Variants in CACNB1 observed in about 807,000 individuals in gnomAD.
CACNB1 encodes calcium voltage-gated channel auxiliary subunit beta 1.
Under a neutral mutation model 71.6 loss-of-function variants are expected in CACNB1, and 29 were observed. That is an observed-to-expected ratio of 0.40 (90% CI 0.30 to 0.55). The LOEUF (loss-of-function observed/expected upper bound fraction) is 0.55, where lower values mean the gene tolerates loss of function less well. Ranked by LOEUF, CACNB1 falls within the 20% of genes least tolerant of loss-of-function variation. The pLI is 0.38. For missense variants in CACNB1, 623 were observed against 801.8 expected (o/e 0.78, Z 2.69); for synonymous variants, 300 against 319.6 (o/e 0.94, Z 0.65).
chr17:39,185,562 C>A (rs1318024457), intron 6 of CACNB1, among the ~76,000 whole-genome samples: 2 of 152,032 alleles, frequency 1.3e-5, no homozygotes, highest in African/African-American at 4.8e-5. Context: ...AGCAGCCCCC[C>A]CCCACTATGT....
intron 10 of CACNB1, 78 bp downstream of exon 10, chr17:39,183,953 C>A: frequency 6.5e-7 from 1 of 1,535,372 alleles, no homozygotes; most frequent in South Asian, 1.1e-5. Flanking sequence ...GATGGCCCTG[C>A]CCACTACCTC....
intron 4 of CACNB1, chr17:39,187,162 C>G: frequency 1.7e-6 from 1 of 603,946 alleles, no homozygotes; most frequent in South Asian, 2.0e-5. Context: ...CAATGCAATT[C>G]TGAGAGTCCT....
Position 39,175,696 on chromosome 17 carries a change from G to A in CACNB1, c.1333-39C>T, listed in dbSNP as rs375535709. On this transcript the variant is annotated intron_variant, in intron 13 of 13. Coordinates refer to ENST00000394303, the MANE Select transcript of CACNB1 (RefSeq NM_000723.5). The surrounding 1 kb of genome is among the most constrained non-coding windows in gnomAD (Gnocchi z 4.7). ...GGACAGCACACACCATGCAGATCAG[G>A]CAGGGGTGAGAAAAACACAACAAAG... 5.0e-5 allele frequency: 72 copies of A among 1,446,430 alleles called. No homozygotes were observed. Among genetic ancestry groups the A allele is most frequent in the Non-Finnish European group, 6.3e-5 (67 of 1,068,874 alleles). 89.6% of individuals were successfully genotyped at this position (1,446,430 alleles called of 1,614,324 possible). A position where few individuals can be genotyped will look rare whatever the true frequency, so the allele number is the denominator to read the frequency against.
intron 8 of CACNB1, 21 bp from the exon 9 acceptor site, chr17:39,184,404 G>A (rs1482453336): frequency 2.5e-6 from 3 of 1,214,718 alleles, no homozygotes; most frequent in Non-Finnish European, 3.6e-6. Flanking sequence ...GGGTTTGTGG[G>A]GAGGGAGGGA....
chr17:39,188,765 G>A (rs923401115), intron 3 of CACNB1, among the ~76,000 whole-genome samples: 4 of 152,084 alleles, frequency 2.6e-5, no homozygotes, highest in Non-Finnish European at 5.9e-5. Context: ...ATAGCAGGCC[G>A]GGCACGGTGG....
rs151225511 is a variant in CACNB1, at chr17:39,176,992, G to A, written c.1332+358C>T. 248 of 600,142 alleles carry A rather than the reference G, an allele frequency of 4.1e-4. No individual in the cohort carries two copies. In the African/African-American group the frequency reaches 4.2e-3, roughly 10 times the overall value. The allele number at this position is 600,142 out of a possible 1,614,324, so 37.2% of individuals were successfully genotyped here. On this transcript the variant is annotated intron_variant, in intron 13 of 13. Coordinates refer to ENST00000394303, the MANE Select transcript of CACNB1 (RefSeq NM_000723.5). ...GCGAATCAGTTTATCAGTCTTCCTC[G>A]CATGTCCTTCCTAGTCCCTTGTCTT...
intron 13 of CACNB1, chr17:39,177,146 C>A: frequency 7.0e-7 from 1 of 1,429,976 alleles, no homozygotes; most frequent in African/African-American, 1.4e-5. Flanking sequence ...TGCCGCTCAT[C>A]TTATTTTTTT....
At position 39,197,427 on chromosome 17, in the gene CACNB1, G is replaced by A. The variant is rs1454460802; in HGVS notation, c.69C>T (p.Phe23=). The change falls in exon 1 of 14, where the codon TTC becomes TTT. Residue 23 remains phenylalanine (F), a synonymous_variant. Transcript: ENST00000394303. ...CACGCCTCACCTGCGGGCTGGGGTC[G>A]AAGACCTCCATGGGGATCTCCTGGG... The part of the protein sequence containing the change: ...PPSQEIPMEV[F]DPSPQGKYSK... The A allele has an allele frequency of 6.8e-7, 1 of 1,468,548 alleles. No individual in the cohort carries two copies. Among genetic ancestry groups the A allele is most frequent in the South Asian group, 1.4e-5 (1 of 73,724 alleles). 91.0% of individuals were successfully genotyped at this position (1,468,548 alleles called of 1,614,324 possible).
At position 39,175,274 on chromosome 17, in the gene CACNB1, G is replaced by A; in HGVS notation, c.1716C>T (p.Tyr572=). ...AAACTGGACCCCCACCCTCAGCGCA[G>A]TAGCGGGCCTTATTCCGGCCCCGGT... ...NRNRGRNKAR[Y]CAEGGGPVLG... The change falls in exon 14 of 14, where the codon TAC becomes TAT. Residue 572 remains tyrosine (Y), a synonymous_variant. Transcript: ENST00000394303. This position sits in a 1 kb window ranked among gnomAD's most constrained non-coding sequence, Gnocchi z 4.7. The A allele has an allele frequency of 6.2e-7, 1 of 1,614,194 alleles. No individual in the cohort carries two copies.
chr17:39,176,624 T>A (rs193021826), intron 13 of CACNB1, among the ~76,000 whole-genome samples: 2 of 152,308 alleles, frequency 1.3e-5, no homozygotes, highest in Non-Finnish European at 1.5e-5. Flanking sequence ...ATGGGCTCTG[T>A]TGCTGAAAAC....
At chr17:39,184,623 A>G (rs911297630) in intron 8 of CACNB1, among the ~76,000 whole-genome samples, 161 bp downstream of exon 8, 3 of 151,548 alleles carry the variant, frequency 2.0e-5, no homozygotes, top group African/African-American at 4.9e-5. Context: ...GGCTCCTCTG[A>G]GTGGGTCTTT....
At chr17:39,196,564 A>G (rs1459929368) in intron 1 of CACNB1, among the ~76,000 whole-genome samples, 4 of 151,926 alleles carry the variant, frequency 2.6e-5, no homozygotes, top group Non-Finnish European at 4.4e-5. Context: ...GGAGAAGGAC[A>G]CTCCCAAAGA....
chr17:39,184,091 C>T lies in CACNB1; in HGVS notation c.838G>A (p.Val280Ile), dbSNP rs377703005. 1 of 1,613,666 alleles carries T rather than the reference C, an allele frequency of 6.2e-7. No individual in the cohort carries two copies. The highest frequency in any genetic ancestry group is 1.3e-5 in the African/African-American group (1 of 74,834). Residue 280 changes from valine (V) to isoleucine (I), a missense_variant, in exon 10 of 14, where the codon GTT becomes ATT. Val to Ile is a conservative substitution (Grantham distance 29). Transcript: ENST00000394303. ...TADISLAKRS[V>I]LNNPSKHIII... is the part of the protein sequence containing the mutation. Reference sequence around the variant, plus strand: ...ATGTGTTTGCTGGGGTTGTTGAGAACTGAGCGCTTAGCCAGGGAAATATCT... The same window carrying T: ...ATGTGTTTGCTGGGGTTGTTGAGAATTGAGCGCTTAGCCAGGGAAATATCT...
Position 39,190,843 on chromosome 17 carries a change from C to T in CACNB1, c.291+631G>A, listed in dbSNP as rs149046957. Among the ~76,000 whole-genome samples, 3 of 152,214 alleles carry T rather than the reference C, an allele frequency of 2.0e-5. No individual in the cohort carries two copies. In the East Asian group the frequency reaches 5.8e-4, roughly 29 times the overall value. ...TATATTCATCACAAAAATAAAAAAT[C>T]CTCTGAAGTTAAGTGGTATTATTAT... On this transcript the variant is annotated intron_variant, in intron 3 of 13. Coordinates refer to ENST00000394303, the MANE Select transcript of CACNB1 (RefSeq NM_000723.5).
chr17:39,196,340 C>T (rs2046200735), intron 1 of CACNB1, among the ~76,000 whole-genome samples: 1 of 152,142 alleles, frequency 6.6e-6, no homozygotes, highest in South Asian at 2.1e-4. Context: ...CACCCTCCCC[C>T]ACCACTGCCA....
chr17:39,191,505 C>G lies in CACNB1; in HGVS notation c.260G>C (p.Arg87Pro). 1 of 1,607,734 alleles carries G rather than the reference C, an allele frequency of 6.2e-7. No homozygotes were observed. Among genetic ancestry groups the G allele is most frequent in the Non-Finnish European group, 8.5e-7 (1 of 1,178,166 alleles). The change falls in exon 3 of 14, where the codon CGC (arginine) becomes CCC (proline). Residue 87 changes from arginine to proline, a missense_variant. Physicochemically the swap from Arg to Pro is moderately radical, Grantham distance 103. Coordinates refer to ENST00000394303, the MANE Select transcript of CACNB1 (RefSeq NM_000723.5). ...DREALRKEAE[R>P]QALAQLEKAK... ...CTTCTCGAGCTGCGCTAATGCCTGG[C>G]GCTCTGCTTCCTTCCTTAAGGCTTC...
In CACNB1 at chr17:39,175,415, G is replaced by C. The variant is rs1409683739; in HGVS notation, c.1575C>G (p.Asp525Glu). The C allele has an allele frequency of 6.2e-7, 1 of 1,614,214 alleles. No homozygotes were observed. Among genetic ancestry groups the C allele is most frequent in the African/African-American group, 1.3e-5 (1 of 75,068 alleles). Residue 525 changes from aspartate (D) to glutamate (E), a missense_variant, in exon 14 of 14, where the codon GAC becomes GAG. Coordinates refer to ENST00000394303, the MANE Select transcript of CACNB1 (RefSeq NM_000723.5). The surrounding 1 kb of genome is among the most constrained non-coding windows in gnomAD (Gnocchi z 4.7). ...CTCCAAGCCCTGGCCCCTCTGAGGG[G>C]TCAGTCTCCATGTCCACACATGAGT... ...LGDSCVDMETDPSEGPGLGDP... is the reference protein window; with the variant it reads ...LGDSCVDMETEPSEGPGLGDP...
rs1300131424 is a variant in CACNB1 at position 39,186,267 on chromosome 17, C to T, written c.628+229G>A. ...CTGGGAGAAATGAATGGGGGCAGGGCAGGGGAATCAGGCAGAGAGATGGAG... is the reference window on the plus strand; with the variant it reads ...CTGGGAGAAATGAATGGGGGCAGGGTAGGGGAATCAGGCAGAGAGATGGAG... On this transcript the variant is annotated intron_variant, in intron 6 of 13. Transcript: ENST00000394303. This position sits in a 1 kb window ranked among gnomAD's most constrained non-coding sequence, Gnocchi z 4.1. The T allele has an allele frequency of 3.0e-6, 2 of 662,758 alleles. No individual in the cohort carries two copies. Among genetic ancestry groups the T allele is most frequent in the African/African-American group, 1.8e-5 (1 of 54,912 alleles). The allele number at this position is 662,758 out of a possible 1,614,324, so 41.1% of individuals were successfully genotyped here.
Position 39,187,513 on chromosome 17 carries a change from G to A in CACNB1, c.380C>T (p.Thr127Ile), listed in dbSNP as rs756466042. ...DEVPVQGVAI[T>I]FEPKDFLHIK... ...GTGCAGGAAGTCTTTGGGCTCGAAG[G>A]TGATGGCCACTCCCTGCACAGGCAC... The change falls in exon 4 of 14, where the codon ACC becomes ATC. Residue 127 changes from threonine (T) to isoleucine (I), a missense_variant. By Grantham distance (89) the Thr-to-Ile change is moderately conservative (BLOSUM62 -1). Transcript: ENST00000394303. 1.9e-6 allele frequency: 3 copies of A among 1,614,014 alleles called. No homozygotes were observed. Among genetic ancestry groups the A allele is most frequent in the Non-Finnish European group, 2.5e-6 (3 of 1,180,020 alleles).
Sources: allele counts gnomAD v4.1 joint callset (sites outside exome capture counted in the v4.1 genomes callset), GRCh38; gene constraint gnomAD v4.1.1; non-coding constraint Gnocchi (gnomAD v3.1); transcripts MANE v1.5; gene names NCBI Gene and HGNC (gene_info 2026-07-23, HGNC 2026-07-21).